CFAP46: variants seen among roughly 807,000 people sequenced by gnomAD.
CFAP46 encodes cilia- and flagella-associated protein 46.
Under a neutral mutation model 325.7 loss-of-function variants are expected in CFAP46, and 245 were observed. The ratio of observed to expected loss-of-function variants is 0.75; its 90% CI spans 0.68 to 0.84. The LOEUF (loss-of-function observed/expected upper bound fraction) is 0.84, where lower values mean the gene tolerates loss of function less well. CFAP46 is among the 40% of genes least tolerant of loss of function. The probability of loss-of-function intolerance (pLI) is 0.00; values close to 1 mark genes in which losing one functional copy is unlikely to be tolerated. For synonymous variants in CFAP46, 1,523 were observed against 1,495.9 expected (o/e 1.02, Z -0.42); for missense variants, 3,346 against 3,543.0 (o/e 0.94, Z 1.41).
chr10:132,912,565 C>A (rs1219746762), intron 19 of CFAP46, 90 bp downstream of exon 19: 2 of 1,015,376 alleles, frequency 2.0e-6, no homozygotes, highest in African/African-American at 2.4e-5. Context: ...TCACCTCTCT[C>A]CTCTTTCACC....
At chr10:132,821,494 GA>G (rs1847825957) in intron 50 of CFAP46, among the ~76,000 whole-genome samples, 1 of 146,374 alleles carries the variant, frequency 6.8e-6, no homozygotes, top group African/African-American at 2.6e-5. Context: ...TGTGAGTGCT[GA>G]TGTGTGCTGT....
intron 17 of CFAP46, among the ~76,000 whole-genome samples, chr10:132,915,427 C>T (rs913510484): frequency 6.6e-6 from 1 of 152,278 alleles, no homozygotes; most frequent in Non-Finnish European, 1.5e-5. Context: ...CACCTGCAGC[C>T]GTCATCGTCA....
In CFAP46 at chr10:132,910,008, C is replaced by T. The variant is rs963034643; in HGVS notation, c.2560G>A (p.Gly854Ser). Residue 854 changes from glycine (G) to serine (S), a missense_variant, in exon 20 of 58, where the codon GGC (glycine) becomes AGC (serine). Coordinates refer to ENST00000368586, the MANE Select transcript of CFAP46 (RefSeq NM_001200049.3). ...GSAPEETVPT[G>S]TRQQLIATWV... The stretch of plus-strand genomic sequence containing the variant: ...GTGGCGATAAGCTGCTGCCGGGTGC[C>T]GGTGGGCACCGTCTCCTCGGGCGCA... The T allele has an allele frequency of 2.4e-5, 37 of 1,542,290 alleles. No individual in the cohort carries two copies. Among genetic ancestry groups the T allele is most frequent in the Middle Eastern group, 3.4e-4 (2 of 5,944 alleles).
intron 41 of CFAP46, among the ~76,000 whole-genome samples, chr10:132,849,833 C>T (rs943236113): frequency 6.6e-6 from 1 of 152,194 alleles, no homozygotes; most frequent in Non-Finnish European, 1.5e-5. Context: ...TGCTCAGGCC[C>T]ACCCTAGGCC....
rs1849089893 is a variant in CFAP46 at position 132,884,305 on chromosome 10, C to T, written c.3627+798G>A. Among the ~76,000 whole-genome samples, 1 of 152,182 alleles carries T rather than the reference C, an allele frequency of 6.6e-6. No individual in the cohort carries two copies. The highest frequency in any genetic ancestry group is 1.5e-5 in the Non-Finnish European group (1 of 68,038). Reference sequence around the variant, plus strand: ...GCGTCTGCCTTGATCACCCAGTGCCCTGAGCCGGCACTCACACAGCACCGT... The same window carrying T: ...GCGTCTGCCTTGATCACCCAGTGCCTTGAGCCGGCACTCACACAGCACCGT... On this transcript the variant is annotated intron_variant, in intron 27 of 57. Coordinates refer to ENST00000368586, the MANE Select transcript of CFAP46 (RefSeq NM_001200049.3). This position sits in a 1 kb window ranked among gnomAD's most constrained non-coding sequence, Gnocchi z 5.4.
chr10:132,823,332 G>GA (rs1847933082), intron 50 of CFAP46, among the ~76,000 whole-genome samples: 3 of 102,798 alleles, frequency 2.9e-5, no homozygotes, highest in Non-Finnish European at 5.8e-5. Context: ...TGTGCGGTGT[G>GA]CTGATGTGTG....
intron 19 of CFAP46, among the ~76,000 whole-genome samples, chr10:132,910,879 CCT>C (rs144227981): frequency 0.074 from 11,200 of 152,258 alleles, 480 homozygotes; most frequent in South Asian, 0.12. Flanking sequence ...CACTCACTCC[CCT>C]GTTCACCACC....
chr10:132,857,943 G>T lies in CFAP46; in HGVS notation c.5376-155C>A, dbSNP rs574513905. On this transcript the variant is annotated intron_variant, in intron 38 of 57. Transcript: ENST00000368586. ...AAGACATCCTCGATACGTCTTAGAG[G>T]TTTAAGAAGCTGGAATAATGCAGTA... is the stretch of plus-strand genomic sequence containing the variant. Among the ~76,000 whole-genome samples the T allele has an allele frequency of 1.1e-4, 16 of 152,358 alleles. 1 individual carries two copies. Among genetic ancestry groups the T allele is most frequent in the Admixed American group, 6.5e-4 (10 of 15,306 alleles).
In CFAP46 at chr10:132,817,029, T is replaced by A. The variant is rs1847708572; in HGVS notation, c.7118-2115A>T. Among the ~76,000 whole-genome samples the A allele has an allele frequency of 6.6e-6, 1 of 152,212 alleles. No homozygotes were observed. The stretch of plus-strand genomic sequence containing the variant: ...TTCCATGTCTCTATTAAGCCAAGAT[T>A]GTTAATTATGTCGCCCTGAATCTCT... On this transcript the variant is annotated intron_variant, in intron 50 of 57. Coordinates refer to ENST00000368586, the MANE Select transcript of CFAP46 (RefSeq NM_001200049.3). This position sits in a 1 kb window ranked among gnomAD's most constrained non-coding sequence, Gnocchi z 4.4.
Position 132,886,392 on chromosome 10 carries a change from G to T in CFAP46, c.3305-433C>A, listed in dbSNP as rs554332001. 1.3e-5 allele frequency among the ~76,000 whole-genome samples: 2 copies of T among 152,268 alleles called. No individual in the cohort carries two copies. The highest frequency in any genetic ancestry group is 4.1e-4 in the South Asian group (2 of 4,826). On this transcript the variant is annotated intron_variant, in intron 25 of 57. Coordinates refer to ENST00000368586, the MANE Select transcript of CFAP46 (RefSeq NM_001200049.3). The surrounding 1 kb of genome is among the most constrained non-coding windows in gnomAD (Gnocchi z 5.8). ...TCCTCATGCTTGGTGCCCGCAGCAC[G>T]GGAACAATCCCCGAGTCTCCACGCA...
chr10:132,819,988 T>C (rs1847762990), intron 50 of CFAP46, among the ~76,000 whole-genome samples: 1 of 152,192 alleles, frequency 6.6e-6, no homozygotes, highest in South Asian at 2.1e-4. Flanking sequence ...GAATGTATAT[T>C]TGATAAGGGA....
In CFAP46 at chr10:132,924,881, C is replaced by G. The variant is rs11146047; in HGVS notation, c.1071G>C (p.Gln357His). ...KVYNRAAVEA[Q>H]LDIIQRLDVA... ...CGTCTAGCCTCTGTATGATATCCAGCTGGGCCTGCGGAGAAGACGTGGGGG... is the reference window on the plus strand; with the variant it reads ...CGTCTAGCCTCTGTATGATATCCAGGTGGGCCTGCGGAGAAGACGTGGGGG... Residue 357 changes from glutamine (Q) to histidine (H), a missense_variant, in exon 11 of 58, where the codon CAG (glutamine) becomes CAC (histidine). Transcript: ENST00000368586. 0.023 allele frequency: 32,223 copies of G among 1,383,724 alleles called. 517 individuals are homozygous for G. The highest frequency in any genetic ancestry group is 0.023 in the Non-Finnish European group (23,970 of 1,061,758). The allele number at this position is 1,383,724 out of a possible 1,614,324, so 85.7% of individuals were successfully genotyped here.
chr10:132,812,001 GAGA>G (rs1847590498), intron 55 of CFAP46, among the ~76,000 whole-genome samples: 1 of 152,234 alleles, frequency 6.6e-6, no homozygotes, highest in Non-Finnish European at 1.5e-5. Flanking sequence ...AGCCCCATCA[GAGA>G]AGGTCACGGC....
intron 32 of CFAP46, among the ~76,000 whole-genome samples, chr10:132,871,819 TA>T (rs1325175819): frequency 6.6e-6 from 1 of 152,216 alleles, no homozygotes; most frequent in Non-Finnish European, 1.5e-5. Flanking sequence ...ATTGAGTTGA[TA>T]AAGTGGCAGC....
chr10:132,912,594 T>TC, intron 19 of CFAP46, 61 bp downstream of exon 19: 1 of 1,429,322 alleles, frequency 7.0e-7, no homozygotes, highest in Non-Finnish European at 9.3e-7. Context: ...CCTCTCTCTC[T>TC]CTCCTCTCTC....
chr10:132,868,607 G>T lies in CFAP46; in HGVS notation c.4610+667C>A, dbSNP rs57727872. Among the ~76,000 whole-genome samples, 12 of 152,332 alleles carry T rather than the reference G, an allele frequency of 7.9e-5. No individual in the cohort carries two copies. In the East Asian group the frequency reaches 2.3e-3, roughly 29 times the overall value. On this transcript the variant is annotated intron_variant, in intron 33 of 57. Transcript: ENST00000368586. ...ACAGTGTCTGTTTCAATGTAACGGCGAAATGGCCGGAAGAGCATGAGTGAA... is the reference window on the plus strand; with the variant it reads ...ACAGTGTCTGTTTCAATGTAACGGCTAAATGGCCGGAAGAGCATGAGTGAA...
chr10:132,821,504 GTGTGCGC>G (rs1377852225), intron 50 of CFAP46, among the ~76,000 whole-genome samples: 5 of 140,788 alleles, frequency 3.6e-5, no homozygotes, highest in Non-Finnish European at 3.0e-5. Context: ...GATGTGTGCT[GTGTGCGC>G]TGTGTGCTGT....
chr10:132,860,033 C>T (rs1209071953), intron 37 of CFAP46, among the ~76,000 whole-genome samples: 3 of 152,170 alleles, frequency 2.0e-5, no homozygotes, highest in Admixed American at 2.0e-4. Context: ...CCAGCCTGGG[C>T]GTCGATAAAT....
intron 22 of CFAP46, among the ~76,000 whole-genome samples, chr10:132,900,255 C>T (rs1322862851): frequency 6.6e-6 from 1 of 152,188 alleles, no homozygotes; most frequent in Admixed American, 6.5e-5. Flanking sequence ...AAGTCTGGCC[C>T]CAGAAGGTCC....
Sources: gnomAD v4.1 joint callset for allele counts (sites outside exome capture counted in the v4.1 genomes callset) on GRCh38, gnomAD v4.1.1 for gene constraint, Gnocchi (gnomAD v3.1) non-coding constraint, MANE v1.5 for transcripts, NCBI Gene and HGNC (gene_info 2026-07-23, HGNC 2026-07-21) for gene names.